The following ABCC11 variants were observed in gnomAD, a reference collection of about 807,000 sequenced individuals.
The protein encoded by ABCC11 is ATP binding cassette subfamily C member 11.
ABCC11 carries 135 observed loss-of-function variants against 149.3 expected under a neutral mutation model. The observed-to-expected ratio is 0.90, with a 90% CI of 0.79 to 1.04. The LOEUF (loss-of-function observed/expected upper bound fraction) is 1.04. Ranked by LOEUF, ABCC11 falls within the 50% of genes least tolerant of loss-of-function variation. The probability of loss-of-function intolerance (pLI) is 0.00; values close to 1 mark genes in which losing one functional copy is unlikely to be tolerated. For synonymous variants in ABCC11, 665 were observed against 671.4 expected (o/e 0.99, Z 0.15); for missense variants, 1,680 against 1,722.1 (o/e 0.98, Z 0.43).
chr16:48,210,766 T>C, intron 11 of ABCC11, 182 bp downstream of exon 11: 1 of 895,478 alleles, frequency 1.1e-6, no homozygotes, highest in Non-Finnish European at 1.6e-6. Flanking sequence ...ATAGATTAAT[T>C]CACATTAAAA....
At chr16:48,205,812 CTT>C (rs5816589) in intron 12 of ABCC11, among the ~76,000 whole-genome samples, 17 of 140,970 alleles carry the variant, frequency 1.2e-4, no homozygotes, top group Non-Finnish European at 9.3e-5. Context: ...GTTTTTTCCT[CTT>C]TTTTTTTTTT....
chr16:48,208,973 T>C (rs1046813402), intron 11 of ABCC11, among the ~76,000 whole-genome samples: 1 of 152,122 alleles, frequency 6.6e-6, no homozygotes, highest in African/African-American at 2.4e-5. Context: ...AGACCTCACA[T>C]TGAGCTCAGA....
Position 48,196,341 on chromosome 16 carries a change from G to C in ABCC11, c.2315-20C>G. ...CCGGCACTGGGTCAGGGTAGAAGAA[G>C]AGAAAAGTGGTATGCCTGCCAATCA... On this transcript the variant is annotated intron_variant, in intron 17 of 29. Coordinates refer to ENST00000356608, the MANE Select transcript of ABCC11 (RefSeq NM_001370497.1). 6.2e-7 allele frequency: 1 copy of C among 1,610,178 alleles called. No individual in the cohort carries two copies. The highest frequency in any genetic ancestry group is 8.5e-7 in the Non-Finnish European group (1 of 1,177,490).
At chr16:48,204,595 G>A (rs1174092080) in intron 13 of ABCC11, among the ~76,000 whole-genome samples, 1 of 152,152 alleles carries the variant, frequency 6.6e-6, no homozygotes, top group Non-Finnish European at 1.5e-5. Context: ...AGGGGTATGG[G>A]GCTGGGCAGG....
At chr16:48,197,675 T>C (rs1457482002) in intron 17 of ABCC11, among the ~76,000 whole-genome samples, 1 of 152,160 alleles carries the variant, frequency 6.6e-6, no homozygotes, top group Non-Finnish European at 1.5e-5. Flanking sequence ...AGATGCCTGG[T>C]CAAGTCTTAA....
At chr16:48,232,062 G>C in intron 1 of ABCC11, 123 bp from the exon 2 acceptor site, 1 of 1,471,086 alleles carries the variant, frequency 6.8e-7, no homozygotes, top group South Asian at 1.4e-5. Context: ...GCCATGCAGA[G>C]GTTTGGGTGC....
At chr16:48,189,442 T>A (rs1966852644) in intron 20 of ABCC11, among the ~76,000 whole-genome samples, 1 of 152,260 alleles carries the variant, frequency 6.6e-6, no homozygotes, top group African/African-American at 2.4e-5. Flanking sequence ...CATTTTTTTC[T>A]GTTGTGCTTG....
At chr16:48,179,273 T>A (rs1966278872) in intron 23 of ABCC11, among the ~76,000 whole-genome samples, 1 of 152,192 alleles carries the variant, frequency 6.6e-6, no homozygotes, top group African/African-American at 2.4e-5. Context: ...ATAAGCTGCC[T>A]GCACCCAAGT....
At chr16:48,191,767 G>A (rs917469388) in intron 20 of ABCC11, among the ~76,000 whole-genome samples, 1 of 151,904 alleles carries the variant, frequency 6.6e-6, no homozygotes, top group Non-Finnish European at 1.5e-5. Context: ...CTCATAGGTG[G>A]GAAATGAACA....
At chr16:48,219,388 C>T (rs1311733530) in intron 6 of ABCC11, among the ~76,000 whole-genome samples, 3 of 152,090 alleles carry the variant, frequency 2.0e-5, no homozygotes, top group Admixed American at 1.3e-4. Context: ...CAAAGCTGGT[C>T]ACAAACTACT....
At chr16:48,243,079 A>G (rs879821332) in intron 1 of ABCC11, among the ~76,000 whole-genome samples, 3 of 151,746 alleles carry the variant, frequency 2.0e-5, no homozygotes. Flanking sequence ...AAAAACAGAA[A>G]AAAAATAAAA....
Position 48,222,799 on chromosome 16 carries a change from T to C in ABCC11, c.576A>G (p.Ser192=). The change falls in exon 6 of 30, where the codon TCA becomes TCG. Residue 192 remains serine (S), a synonymous_variant. Coordinates refer to ENST00000356608, the MANE Select transcript of ABCC11 (RefSeq NM_001370497.1). ...ILIIPKILEY[S]EEQLGNVVHG... ...GGACAACATTCCCCAACTGCTCTTCTGAATATTCCAGGATCTTTGGTATAA... is the reference window on the plus strand; with the variant it reads ...GGACAACATTCCCCAACTGCTCTTCCGAATATTCCAGGATCTTTGGTATAA... 1 of 1,614,126 alleles carries C rather than the reference T, an allele frequency of 6.2e-7. No homozygotes were observed. Among genetic ancestry groups the C allele is most frequent in the Non-Finnish European group, 8.5e-7 (1 of 1,179,926 alleles).
At chr16:48,188,640 G>A (rs1567496203) in intron 20 of ABCC11, among the ~76,000 whole-genome samples, 2 of 152,192 alleles carry the variant, frequency 1.3e-5, no homozygotes, top group African/African-American at 2.4e-5. Flanking sequence ...TGCAGATGAG[G>A]AAACTGAAGA....
chr16:48,176,378 G>A (rs568518061), intron 25 of ABCC11, among the ~76,000 whole-genome samples: 8 of 152,228 alleles, frequency 5.3e-5, no homozygotes, highest in South Asian at 2.1e-4. Flanking sequence ...AGAAGTGACA[G>A]GAGAGGAAGA....
At chr16:48,185,113 G>A (rs1966678540) in intron 22 of ABCC11, among the ~76,000 whole-genome samples, 1 of 152,152 alleles carries the variant, frequency 6.6e-6, no homozygotes, top group Non-Finnish European at 1.5e-5. Flanking sequence ...AGACACCCGG[G>A]GAACATTAGC....
At chr16:48,219,921 C>T (rs1249639176) in intron 6 of ABCC11, among the ~76,000 whole-genome samples, 1 of 152,152 alleles carries the variant, frequency 6.6e-6, no homozygotes, top group African/African-American at 2.4e-5. Flanking sequence ...GCAGATGTTG[C>T]AGTGAGCCAA....
At chr16:48,217,459 G>A (rs920445393) in intron 6 of ABCC11, among the ~76,000 whole-genome samples, 3 of 152,064 alleles carry the variant, frequency 2.0e-5, no homozygotes, top group Non-Finnish European at 4.4e-5. Flanking sequence ...AGCCAGGCAC[G>A]GGGGCACATG....
Position 48,222,775 on chromosome 16 carries a change from G to C in ABCC11, c.600C>G (p.Val200=). The C allele has an allele frequency of 6.2e-7, 1 of 1,614,178 alleles. No homozygotes were observed. The highest frequency in any genetic ancestry group is 1.1e-5 in the South Asian group (1 of 91,078). Residue 200 remains valine, a synonymous_variant, in exon 6 of 30, where the codon GTC becomes GTG. Transcript: ENST00000356608. Reference sequence around the variant, plus strand: ...GGGCAAAGCAGAGTCCCACTCCATGGACAACATTCCCCAACTGCTCTTCTG... The same window carrying C: ...GGGCAAAGCAGAGTCCCACTCCATGCACAACATTCCCCAACTGCTCTTCTG... ...EYSEEQLGNV[V]HGVGLCFALF...
intron 1 of ABCC11, among the ~76,000 whole-genome samples, chr16:48,236,905 C>A (rs757447478): frequency 7.2e-5 from 11 of 152,122 alleles, no homozygotes; most frequent in Non-Finnish European, 1.5e-4. Context: ...TGTTGGGGCA[C>A]ATGTATGTAT....
Sources: allele counts gnomAD v4.1 joint callset (sites outside exome capture counted in the v4.1 genomes callset), GRCh38; gene constraint gnomAD v4.1.1; transcripts MANE v1.5; gene names NCBI Gene and HGNC (gene_info 2026-07-23, HGNC 2026-07-21).